Variants in CCDC171 observed in about 807,000 individuals in gnomAD.
CCDC171 encodes coiled-coil domain-containing protein 171.
CCDC171 carries 177 observed loss-of-function variants against 168.2 expected under a neutral mutation model. The observed-to-expected ratio is 1.05, with a 90% confidence interval of 0.93 to 1.19. The LOEUF is 1.19. CCDC171 is among the 50% of genes most tolerant of loss of function. The pLI is 0.00. For missense variants in CCDC171, 1,991 were observed against 1,539.0 expected (o/e 1.29, Z -4.91); for synonymous variants, 687 against 540.8 (o/e 1.27, Z -3.75).
intron 10 of CCDC171, among the ~76,000 whole-genome samples, chr9:15,692,354 G>C (rs1375049346): frequency 8.3e-6 from 1 of 119,988 alleles, no homozygotes; most frequent in African/African-American, 3.1e-5. Flanking sequence ...GATGGAGCAA[G>C]ACTCTGTCTC....
At chr9:15,645,991 C>G (rs1158785599) in intron 7 of CCDC171, among the ~76,000 whole-genome samples, 4 of 152,082 alleles carry the variant, frequency 2.6e-5, no homozygotes, top group South Asian at 2.1e-4. Flanking sequence ...TAAGGGCAAC[C>G]AGAGAGAAAG....
rs182336261 is a variant in CCDC171 at position 15,973,698 on chromosome 9, A to G, written c.*1862A>G. 35 of 152,316 alleles carry G rather than the reference A, an allele frequency of 2.3e-4. No individual in the cohort carries two copies. The highest frequency in any genetic ancestry group is 7.7e-4 in the African/African-American group (32 of 41,588). 9.4% of individuals were successfully genotyped at this position (152,316 alleles called of 1,614,324 possible). On this transcript the variant is annotated 3_prime_UTR_variant, in exon 26 of 26. Coordinates refer to ENST00000380701, the MANE Select transcript of CCDC171 (RefSeq NM_173550.4). ...AGTGCTATTTATTGTTTTTATACAG[A>G]TCATATAATTTCTGCACATTTCAGA...
intron 7 of CCDC171, among the ~76,000 whole-genome samples, chr9:15,651,983 C>G (rs568809558): frequency 2.2e-4 from 34 of 152,254 alleles, no homozygotes; most frequent in African/African-American, 6.3e-4. Context: ...TCTCAGCTCA[C>G]TGAAGTCTCA....
At chr9:15,788,877 G>A (rs2058103571) in intron 21 of CCDC171, among the ~76,000 whole-genome samples, 1 of 152,014 alleles carries the variant, frequency 6.6e-6, no homozygotes, top group Non-Finnish European at 1.5e-5. Context: ...ATATGTAATA[G>A]TTTTTATAAA....
intron 6 of CCDC171, among the ~76,000 whole-genome samples, chr9:15,600,592 C>T (rs1037242269): frequency 2.6e-5 from 4 of 152,192 alleles, no homozygotes; most frequent in African/African-American, 4.8e-5. Context: ...CCGGGACCCA[C>T]TTGAGGATGC....
At chr9:15,694,465 A>T (rs1020226864) in intron 10 of CCDC171, among the ~76,000 whole-genome samples, 1 of 152,212 alleles carries the variant, frequency 6.6e-6, no homozygotes, top group Non-Finnish European at 1.5e-5. Context: ...AGAATTCATG[A>T]TTGATACCTC....
At chr9:15,810,605 T>G (rs976434823) in intron 21 of CCDC171, among the ~76,000 whole-genome samples, 2 of 152,148 alleles carry the variant, frequency 1.3e-5, no homozygotes, top group Admixed American at 1.3e-4. Context: ...GGGCCGGCAG[T>G]GCTGGGGAAT....
chr9:16,042,934 G>A (rs1325760875), intron 1 of CCDC171: 3 of 152,152 alleles, frequency 2.0e-5, no homozygotes, highest in Non-Finnish European at 4.4e-5. Context: ...GGTGCCCTTT[G>A]TAGGCCTATC....
chr9:15,748,407 T>C (rs1160395894), intron 18 of CCDC171, among the ~76,000 whole-genome samples: 2 of 152,176 alleles, frequency 1.3e-5, no homozygotes, highest in Non-Finnish European at 2.9e-5. Flanking sequence ...TTTCAGGATA[T>C]TATCGAGGAG....
chr9:15,661,137 G>A (rs1020150581), intron 8 of CCDC171, among the ~76,000 whole-genome samples: 24 of 152,104 alleles, frequency 1.6e-4, no homozygotes, highest in Non-Finnish European at 1.0e-4. Context: ...AAAATTAGCC[G>A]GGCGTCGTGG....
chr9:15,909,058 C>G (rs563178938), intron 24 of CCDC171, among the ~76,000 whole-genome samples: 208 of 152,232 alleles, frequency 1.4e-3, no homozygotes, highest in African/African-American at 4.6e-3. Flanking sequence ...AAGTACGACT[C>G]CAATTGAGTA....
intron 24 of CCDC171, among the ~76,000 whole-genome samples, chr9:15,914,138 G>T (rs969135600): frequency 1.3e-5 from 2 of 152,214 alleles, no homozygotes; most frequent in Non-Finnish European, 2.9e-5. Context: ...CCCCCTTGAG[G>T]AGGCAGTCTG....
chr9:15,591,980 C>T (rs538776714), intron 5 of CCDC171, among the ~76,000 whole-genome samples: 2 of 152,058 alleles, frequency 1.3e-5, no homozygotes, highest in East Asian at 3.9e-4. Flanking sequence ...TTTGTATAAA[C>T]ATGATATGTA....
intron 25 of CCDC171, among the ~76,000 whole-genome samples, chr9:15,953,821 A>C (rs1413149547): frequency 6.6e-6 from 1 of 152,002 alleles, no homozygotes; most frequent in Admixed American, 6.6e-5. Context: ...CTCTTGTTGA[A>C]AGGTTTTTGA....
At chr9:15,772,236 C>T (rs1409737770) in intron 18 of CCDC171, among the ~76,000 whole-genome samples, 2 of 152,130 alleles carry the variant, frequency 1.3e-5, no homozygotes, top group Non-Finnish European at 2.9e-5. Flanking sequence ...CGATCTATTT[C>T]CTGTATTTCC....
chr9:15,886,782 A>ACACACC (rs1027342552), intron 24 of CCDC171: 2 of 151,462 alleles, frequency 1.3e-5, no homozygotes, highest in African/African-American at 2.4e-5. Flanking sequence ...ACACACACAC[A>ACACACC]CACCCAGAGG....
intron 11 of CCDC171, among the ~76,000 whole-genome samples, chr9:15,700,122 C>T (rs916377896): frequency 3.3e-5 from 5 of 152,106 alleles, no homozygotes; most frequent in African/African-American, 1.2e-4. Flanking sequence ...GGCTCCGGTG[C>T]ACAGGAGCCC....
chr9:16,104,081 C>A, the CCDC171 span, among the ~76,000 whole-genome samples: 3 of 152,230 alleles, frequency 2.0e-5, no homozygotes, highest in Admixed American at 6.5e-5. Context: ...TCAGGGCCAG[C>A]ATTTTTCTTT....
intron 21 of CCDC171, among the ~76,000 whole-genome samples, chr9:15,793,261 C>G (rs1255044661): frequency 6.6e-6 from 1 of 152,008 alleles, no homozygotes; most frequent in East Asian, 1.9e-4. Context: ...ATCAATTCAA[C>G]AAGAAGAGCT....
Sources: allele counts gnomAD v4.1 joint callset (sites outside exome capture counted in the v4.1 genomes callset), GRCh38; gene constraint gnomAD v4.1.1; transcripts MANE v1.5; gene names NCBI Gene and HGNC (gene_info 2026-07-23, HGNC 2026-07-21).